CCDC51: variants seen among roughly 807,000 people sequenced by gnomAD.
CCDC51 encodes the protein coiled-coil domain containing 51.
Under a neutral mutation model 24.8 loss-of-function variants are expected in CCDC51, and 25 were observed. The ratio of observed to expected loss-of-function variants is 1.01; its 90% CI spans 0.73 to 1.41. The LOEUF (loss-of-function observed/expected upper bound fraction) is 1.41. Among genes scored for constraint, CCDC51 ranks in the 40% most tolerant of loss-of-function variants. The pLI is 0.00. For synonymous variants in CCDC51, 190 were observed against 204.3 expected (o/e 0.93, Z 0.60); for missense variants, 466 against 519.1 (o/e 0.90, Z 0.99).
At position 48,434,908 on chromosome 3, in the gene CCDC51, C is replaced by G. The variant is rs371682973; in HGVS notation, c.221G>C (p.Arg74Pro). 13 of 1,614,150 alleles carry G rather than the reference C, an allele frequency of 8.1e-6. No homozygotes were observed. Among genetic ancestry groups the G allele is most frequent in the East Asian group, 4.5e-5 (2 of 44,906 alleles). Residue 74 changes from arginine to proline, a missense_variant, in exon 2 of 4, where the codon CGA (arginine) becomes CCA (proline). Arg to Pro is a moderately radical substitution (Grantham distance 103). Coordinates refer to ENST00000395694, the MANE Select transcript of CCDC51 (RefSeq NM_001256964.2). Reference sequence around the variant, plus strand: ...CCAAGTCTTGGCTGTGGAGGTCGCTCGTTGCTGAATGCTGTGCCCCAGGGC... The same window carrying G: ...CCAAGTCTTGGCTGTGGAGGTCGCTGGTTGCTGAATGCTGTGCCCCAGGGC... ...GRALGHSIQQ[R>P]ATSTAKTWWD...
chr3:48,443,261 A>C, upstream of CCDC51, among the ~76,000 whole-genome samples: 1 of 150,020 alleles, frequency 6.7e-6, no homozygotes. Flanking sequence ...AAAAAAAAAA[A>C]AAAATGCTGG....
rs1482249270 is a variant in CCDC51, at chr3:48,432,843, C to T, written c.801G>A (p.Val267=). The T allele has an allele frequency of 1.2e-6, 2 of 1,613,702 alleles. No homozygotes were observed. Among genetic ancestry groups the T allele is most frequent in the Admixed American group, 1.7e-5 (1 of 60,004 alleles). Residue 267 remains valine, a synonymous_variant, in exon 4 of 4, where the codon GTG becomes GTA. Coordinates refer to ENST00000395694, the MANE Select transcript of CCDC51 (RefSeq NM_001256964.2). ...RQQRDLHNLM[V]DLRGLVHAAG... Reference sequence around the variant, plus strand: ...CAGCATGTACCAGGCCCCTCAGGTCCACCATGAGATTGTGGAGGTCCCTCT... The same window carrying T: ...CAGCATGTACCAGGCCCCTCAGGTCTACCATGAGATTGTGGAGGTCCCTCT...
In CCDC51 at chr3:48,432,925, C is replaced by T. The variant is rs1436184786; in HGVS notation, c.719G>A (p.Gly240Glu). Residue 240 changes from glycine (G) to glutamate (E), a missense_variant, in exon 4 of 4, where the codon GGG becomes GAG. Transcript: ENST00000395694. ...AATGGCCTCTTGGAGACTCACAGGC[C>T]CCTTCTGCGCCTCCAGGAGTAAAGC... ...LKALLLEAQK[G>E]PVSLQEAIRE... is the part of the protein sequence containing the mutation. The T allele has an allele frequency of 1.9e-6, 3 of 1,613,916 alleles. No individual in the cohort carries two copies. In the African/African-American group the frequency reaches 4.0e-5, roughly 22 times the overall value.
At position 48,433,743 on chromosome 3, in the gene CCDC51, G is replaced by C. The variant is rs750610503; in HGVS notation, c.441C>G (p.Tyr147Ter). The change falls in exon 3 of 4, where the codon TAC becomes TAG. Residue 147 changes from tyrosine to a stop codon, truncating the protein, a stop_gained. Transcript: ENST00000395694. LOFTEE classifies it high-confidence loss of function. The surrounding 1 kb of genome is among the most constrained non-coding windows in gnomAD (Gnocchi z 4.4). ...LDRVSREDSQ[Y>*]LELATLEHRM... ...TGTGCTCGAGAGTAGCCAGTTCCAA[G>C]TACTGACTGTCCTCCCTGGAGACAC... 2.5e-6 allele frequency: 4 copies of C among 1,614,050 alleles called. No individual in the cohort carries two copies. Among genetic ancestry groups the C allele is most frequent in the South Asian group, 1.1e-5 (1 of 91,078 alleles).
intron 1 of CCDC51, among the ~76,000 whole-genome samples, chr3:48,438,959 G>A (rs2039458938): frequency 6.6e-6 from 1 of 152,100 alleles, no homozygotes. Flanking sequence ...GGACCTTCTT[G>A]AAGTTGCTGG....
upstream of CCDC51, among the ~76,000 whole-genome samples, chr3:48,442,534 C>G (rs1575431530): frequency 6.6e-6 from 1 of 151,456 alleles, no homozygotes; most frequent in African/African-American, 2.4e-5. Flanking sequence ...TCACTGCAGC[C>G]TCCGCCTCCC....
At chr3:48,443,767 A>T, upstream of CCDC51, 2 of 1,192,352 alleles carry the variant, frequency 1.7e-6, no homozygotes, top group Non-Finnish European at 2.3e-6. Flanking sequence ...GCCAGGCTTT[A>T]CTAAGGTCCA....
upstream of CCDC51, chr3:48,440,818 T>A: frequency 1.6e-6 from 1 of 614,820 alleles, no homozygotes; most frequent in Non-Finnish European, 2.9e-6. Context: ...GGAAACGAGG[T>A]CTCCTGCCTC....
chr3:48,437,366 C>T lies in CCDC51; in HGVS notation c.-8-2230G>A, dbSNP rs1363208470. On this transcript the variant is annotated intron_variant, in intron 1 of 3. Transcript: ENST00000395694. This position sits in a 1 kb window ranked among gnomAD's most constrained non-coding sequence, Gnocchi z 4.2. ...CCCTCCCCTCAGCCTCTCCACCATC[C>T]CACCAGCCCCCAACCCTGGGCCCTG... is the stretch of plus-strand genomic sequence containing the variant. 1.3e-5 allele frequency among the ~76,000 whole-genome samples: 2 copies of T among 152,232 alleles called. No homozygotes were observed. The highest frequency in any genetic ancestry group is 2.9e-5 in the Non-Finnish European group (2 of 68,012).
chr3:48,433,030 AG>A lies in CCDC51; in HGVS notation c.613del (p.Leu205SerfsTer9). 1 of 1,614,204 alleles carries A rather than the reference AG, an allele frequency of 6.2e-7. No individual in the cohort carries two copies. The highest frequency in any genetic ancestry group is 8.5e-7 in the Non-Finnish European group (1 of 1,180,038). ...TRAERTKNWS[L>X]IGSVLGALIG... ...CAGGGCCCCCAGGACTGAGCCAATG[AG>A]GGACCAGTTCTTGGTCCTCTCAGCC... On this transcript the variant is annotated frameshift_variant, in exon 4 of 4. Transcript: ENST00000395694. LOFTEE classifies it high-confidence loss of function. The surrounding 1 kb of genome is among the most constrained non-coding windows in gnomAD (Gnocchi z 4.4).
chr3:48,432,759 A>G lies in CCDC51; in HGVS notation c.885T>C (p.Asp295=). 9 of 1,614,074 alleles carry G rather than the reference A, an allele frequency of 5.6e-6. No homozygotes were observed. The highest frequency in any genetic ancestry group is 7.6e-6 in the Non-Finnish European group (9 of 1,180,026). ...QAGSPPTRDR[D]VDVLSAALKE... ...TCAAGGCAGCTGAAAGGACATCTAC[A>G]TCTCTGTCTCTGGTCGGGGGACTAC... Residue 295 remains aspartate, a synonymous_variant, in exon 4 of 4, where the codon GAT becomes GAC. Transcript: ENST00000395694.
rs368305792 is a variant in CCDC51 at position 48,434,850 on chromosome 3, G to A, written c.279C>T (p.Asn93=). Residue 93 remains asparagine, a synonymous_variant, in exon 2 of 4, where the codon AAC becomes AAT. Coordinates refer to ENST00000395694, the MANE Select transcript of CCDC51 (RefSeq NM_001256964.2). Reference sequence around the variant, plus strand: ...CCTTTCCCTGGGCCTCTCGAACCTCGTTGAGTCCAACAAACTCTTCATATC... The same window carrying A: ...CCTTTCCCTGGGCCTCTCGAACCTCATTGAGTCCAACAAACTCTTCATATC... ...WDRYEEFVGL[N]EVREAQGKVT... 46 of 1,611,486 alleles carry A rather than the reference G, an allele frequency of 2.9e-5. No individual in the cohort carries two copies. Among genetic ancestry groups the A allele is most frequent in the Admixed American group, 5.0e-5 (3 of 59,860 alleles).
chr3:48,440,079 A>G lies in CCDC51; in HGVS notation c.-100T>C. ...GTTCCGATTCTACCCTGGCAGGACA[A>G]CCCTAGCTCCTCGTACCTGGCGTGG... On this transcript the variant is annotated 5_prime_UTR_variant, in exon 1 of 4. Transcript: ENST00000395694. 2.7e-6 allele frequency: 2 copies of G among 740,608 alleles called. No individual in the cohort carries two copies. The highest frequency in any genetic ancestry group is 4.0e-5 in the South Asian group (2 of 49,736). 45.9% of individuals were successfully genotyped at this position (740,608 alleles called of 1,614,324 possible).
At position 48,433,937 on chromosome 3, in the gene CCDC51, C is replaced by G. The variant is rs758382789; in HGVS notation, c.313-66G>C. 9.0e-6 allele frequency: 14 copies of G among 1,560,690 alleles called. No homozygotes were observed. Among genetic ancestry groups the G allele is most frequent in the Non-Finnish European group, 1.2e-5 (14 of 1,153,078 alleles). On this transcript the variant is annotated intron_variant, in intron 2 of 3. Transcript: ENST00000395694. The surrounding 1 kb of genome is among the most constrained non-coding windows in gnomAD (Gnocchi z 4.4). ...ACACCCACACAGGCTCAGCTGCATT[C>G]CCAGCAAGGCATTCCCAGAAGAGGT... is the stretch of plus-strand genomic sequence containing the variant.
At chr3:48,441,030 G>GT (rs1221741304), upstream of CCDC51, 3 of 235,944 alleles carry the variant, frequency 1.3e-5, no homozygotes, top group African/African-American at 6.9e-5. Context: ...GTTTTGTTTT[G>GT]TTTGAGACAG....
upstream of CCDC51, chr3:48,443,717 G>A (rs565444965): frequency 1.2e-4 from 73 of 589,608 alleles, no homozygotes; most frequent in East Asian, 2.4e-3. Context: ...CAGTGAAGCT[G>A]CTATCCATGC....
At chr3:48,442,165 G>A (rs938735686), upstream of CCDC51, among the ~76,000 whole-genome samples, 2 of 151,858 alleles carry the variant, frequency 1.3e-5, no homozygotes, top group African/African-American at 4.8e-5. Flanking sequence ...AGGAGTTCAA[G>A]GTAAGAGGAT....
rs1187161424 is a variant in CCDC51, at chr3:48,432,440, G to A, written c.1204C>T (p.Pro402Ser). The A allele has an allele frequency of 1.2e-6, 2 of 1,614,240 alleles. No individual in the cohort carries two copies. The highest frequency in any genetic ancestry group is 2.2e-5 in the East Asian group (1 of 44,888). ...GCTTTGAATAGCATGTAGAGCACAG[G>A]CAGTGTGGCCACAAATGTCACACAG... ...VTCVTFVATL[P>S]VLYMLFKAS The change falls in exon 4 of 4, where the codon CCT becomes TCT. Residue 402 changes from proline to serine, a missense_variant. Physicochemically the swap from Pro to Ser is moderately conservative, Grantham distance 74 (BLOSUM62 -1). Transcript: ENST00000395694.
chr3:48,445,638 A>G, the CCDC51 span, among the ~76,000 whole-genome samples: 1 of 152,254 alleles, frequency 6.6e-6, no homozygotes, highest in Non-Finnish European at 1.5e-5. Context: ...ACACTTGGGA[A>G]GCTATCTGAC....
Sources: allele counts gnomAD v4.1 joint callset (sites outside exome capture counted in the v4.1 genomes callset), GRCh38; gene constraint gnomAD v4.1.1; non-coding constraint Gnocchi (gnomAD v3.1); transcripts MANE v1.5; gene names NCBI Gene and HGNC (gene_info 2026-07-23, HGNC 2026-07-21).